GRIK2: variants seen among roughly 807,000 people sequenced by gnomAD.
GRIK2 encodes the protein glutamate receptor ionotropic, kainate 2.
Under a neutral mutation model 100.3 loss-of-function variants are expected in GRIK2, and 32 were observed. The observed-to-expected ratio is 0.32, with a 90% CI of 0.24 to 0.43. GRIK2 has a LOEUF of 0.43. GRIK2 is among the 20% of genes least tolerant of loss of function. The pLI is 1.00. For missense variants in GRIK2, 843 were observed against 1,114.9 expected, an observed-to-expected ratio of 0.76 and a Z score of 3.47; for synonymous variants, 417 against 389.4, an observed-to-expected ratio of 1.07 and a Z score of -0.83.
chr6:101,845,809 T>A (rs1783774409), intron 10 of GRIK2, among the ~76,000 whole-genome samples: 1 of 152,206 alleles, frequency 6.6e-6, no homozygotes, highest in Non-Finnish European at 1.5e-5. Context: ...TTTCTCTATA[T>A]CCTCACCAAC....
At chr6:101,812,525 C>T (rs954879594) in intron 9 of GRIK2, among the ~76,000 whole-genome samples, 4 of 132,318 alleles carry the variant, frequency 3.0e-5, no homozygotes, top group Middle Eastern at 3.7e-3. Context: ...ATAAATAAAA[C>T]GTTTATTGGT....
chr6:101,531,011 G>T (rs1775413712), intron 2 of GRIK2, among the ~76,000 whole-genome samples: 1 of 152,022 alleles, frequency 6.6e-6, no homozygotes, highest in African/African-American at 2.4e-5. Context: ...AGATCTGAAA[G>T]TGATCATTTT....
chr6:101,785,038 TC>T (rs1324014437), intron 7 of GRIK2, among the ~76,000 whole-genome samples: 1 of 152,214 alleles, frequency 6.6e-6, no homozygotes, highest in Non-Finnish European at 1.5e-5. Context: ...GACTTGCATT[TC>T]CCTGATGATT....
At chr6:101,972,728 T>G (rs1455556193) in intron 14 of GRIK2, among the ~76,000 whole-genome samples, 1 of 151,826 alleles carries the variant, frequency 6.6e-6, no homozygotes, top group Non-Finnish European at 1.5e-5. Flanking sequence ...TTATATATGG[T>G]GAAAGGTAGG....
intron 3 of GRIK2, among the ~76,000 whole-genome samples, chr6:101,622,774 AAAG>A (rs1431359736): frequency 1.3e-5 from 2 of 151,968 alleles, no homozygotes; most frequent in Non-Finnish European, 2.9e-5. Context: ...AAAAGAATAA[AAAG>A]AAAAATAATT....
At chr6:101,979,481 C>T (rs1299692247) in intron 14 of GRIK2, among the ~76,000 whole-genome samples, 1 of 151,954 alleles carries the variant, frequency 6.6e-6, no homozygotes, top group Non-Finnish European at 1.5e-5. Context: ...AGAGATTGAG[C>T]ATGAAAGGAC....
At chr6:101,543,342 A>G (rs1028692488) in intron 2 of GRIK2, among the ~76,000 whole-genome samples, 9 of 152,180 alleles carry the variant, frequency 5.9e-5, no homozygotes, top group Non-Finnish European at 1.3e-4. Context: ...ATTCTAAACC[A>G]TATCCCAGTT....
At chr6:101,798,057 TC>T (rs1295892820) in intron 7 of GRIK2, among the ~76,000 whole-genome samples, 12 of 150,828 alleles carry the variant, frequency 8.0e-5, no homozygotes, top group Non-Finnish European at 1.5e-4. Context: ...TTTTTTTTTT[TC>T]TAAAAACAAA....
At chr6:101,864,696 A>G (rs1381241723) in intron 11 of GRIK2, among the ~76,000 whole-genome samples, 1 of 152,152 alleles carries the variant, frequency 6.6e-6, no homozygotes, top group African/African-American at 2.4e-5. Context: ...AAAGGTGCCA[A>G]TGTTTTTGAA....
intron 6 of GRIK2, among the ~76,000 whole-genome samples, chr6:101,684,887 A>G (rs903741924): frequency 2.6e-5 from 4 of 152,106 alleles, no homozygotes; most frequent in African/African-American, 7.2e-5. Context: ...TCCCTCTGGA[A>G]TGAGAGTCTT....
intron 11 of GRIK2, among the ~76,000 whole-genome samples, chr6:101,866,226 C>T (rs1308178571): frequency 6.6e-6 from 1 of 152,128 alleles, no homozygotes; most frequent in Non-Finnish European, 1.5e-5. Context: ...TTTTCCTCAT[C>T]CCTCTCCAGG....
intron 2 of GRIK2, among the ~76,000 whole-genome samples, chr6:101,505,518 C>T (rs900003922): frequency 6.6e-6 from 1 of 152,046 alleles, no homozygotes; most frequent in Non-Finnish European, 1.5e-5. Flanking sequence ...TTATACCAGA[C>T]ATGGAAAACT....
At chr6:101,952,955 C>A (rs941156923) in intron 14 of GRIK2, among the ~76,000 whole-genome samples, 8 of 152,104 alleles carry the variant, frequency 5.3e-5, no homozygotes. Flanking sequence ...CTTAAAATGT[C>A]CACTCTCCAC....
intron 6 of GRIK2, among the ~76,000 whole-genome samples, chr6:101,685,431 A>G (rs1771607253): frequency 6.6e-6 from 1 of 152,160 alleles, no homozygotes; most frequent in Non-Finnish European, 1.5e-5. Flanking sequence ...TTCGAGGGTT[A>G]GCTATGCCAA....
chr6:101,445,647 G>C (rs1352726162), intron 2 of GRIK2, among the ~76,000 whole-genome samples: 1 of 151,966 alleles, frequency 6.6e-6, no homozygotes, highest in Non-Finnish European at 1.5e-5. Flanking sequence ...CTTTTGTAAT[G>C]GGCAAACAAA....
intron 7 of GRIK2, among the ~76,000 whole-genome samples, chr6:101,729,084 C>G (rs1775075174): frequency 6.6e-6 from 1 of 152,032 alleles, no homozygotes; most frequent in African/African-American, 2.4e-5. Flanking sequence ...ATTATCCTTT[C>G]TCTTCATTGT....
intron 2 of GRIK2, among the ~76,000 whole-genome samples, chr6:101,538,092 A>T (rs1413251066): frequency 2.0e-5 from 3 of 151,768 alleles, no homozygotes; most frequent in African/African-American, 7.2e-5. Context: ...CATAACCTAG[A>T]ATCTTTTGCT....
intron 15 of GRIK2, among the ~76,000 whole-genome samples, chr6:102,037,466 T>A (rs1381528220): frequency 6.6e-6 from 1 of 151,336 alleles, no homozygotes; most frequent in Admixed American, 6.6e-5. Flanking sequence ...ATTTTACATG[T>A]TTTAGACTTC....
chr6:101,447,030 TTA>T (rs950827439), intron 2 of GRIK2, among the ~76,000 whole-genome samples: 6 of 148,030 alleles, frequency 4.1e-5, no homozygotes, highest in African/African-American at 1.5e-4. Context: ...TATATATATT[TTA>T]TATGTGTGTA....
Sources: allele counts gnomAD v4.1 joint callset (sites outside exome capture counted in the v4.1 genomes callset), GRCh38; gene constraint gnomAD v4.1.1; transcripts MANE v1.5; gene names NCBI Gene and HGNC (gene_info 2026-07-23, HGNC 2026-07-21).